Variants in MAGI2 observed in about 807,000 individuals in gnomAD.
The protein encoded by MAGI2 is membrane associated guanylate kinase, WW and PDZ domain containing 2.
MAGI2 carries 35 observed loss-of-function variants against 133.3 expected under a neutral mutation model. That is an observed-to-expected ratio of 0.26 (90% CI 0.20 to 0.35). The LOEUF (loss-of-function observed/expected upper bound fraction) is 0.35, where lower values mean the gene tolerates loss of function less well. Ranked by LOEUF, MAGI2 falls within the 10% of genes least tolerant of loss-of-function variation. The probability of loss-of-function intolerance (pLI) is 1.00; values close to 1 mark genes in which losing one functional copy is unlikely to be tolerated. For missense variants in MAGI2, 1,636 were observed against 1,863.4 expected (o/e 0.88, Z 2.25); for synonymous variants, 729 against 710.6 (o/e 1.03, Z -0.41).
chr7:78,393,328 G>T (rs1218534095), intron 6 of MAGI2, among the ~76,000 whole-genome samples: 1 of 152,184 alleles, frequency 6.6e-6, no homozygotes, highest in East Asian at 1.9e-4. Context: ...GCAAAGCAGC[G>T]GCAACAGTGG....
At chr7:78,523,140 T>C (rs73141125) in intron 3 of MAGI2, among the ~76,000 whole-genome samples, 11,277 of 152,230 alleles carry the variant, frequency 0.074, 793 homozygotes, top group African/African-American at 0.18. Flanking sequence ...CCAGAAGACA[T>C]AGAATTTAGG....
intron 2 of MAGI2, among the ~76,000 whole-genome samples, chr7:78,805,142 C>T (rs1218326994): frequency 6.6e-6 from 1 of 151,630 alleles, no homozygotes; most frequent in East Asian, 1.9e-4. Context: ...CATGGAGCTA[C>T]GACTCTAAAT....
In MAGI2 at chr7:78,704,923, G is replaced by T. The variant is rs188024987; in HGVS notation, c.419-77684C>A. Among the ~76,000 whole-genome samples, 9 of 151,896 alleles carry T rather than the reference G, an allele frequency of 5.9e-5. No individual in the cohort carries two copies. The East Asian group carries it at 7.8e-4, about 13-fold the overall frequency. ...AGGAACAGAAAAACAAATACTGCAG[G>T]TTCTCACTTGTAAGGGGGAGCTAAA... On this transcript the variant is annotated intron_variant, in intron 2 of 21. Transcript: ENST00000354212.
chr7:78,934,565 C>T (rs1019508806), intron 2 of MAGI2, among the ~76,000 whole-genome samples: 1 of 151,894 alleles, frequency 6.6e-6, no homozygotes, highest in Non-Finnish European at 1.5e-5. Context: ...CATAGGTGGC[C>T]GACATGGGGA....
At chr7:78,519,214 C>T (rs1796293907) in intron 4 of MAGI2, 1 of 150,702 alleles carries the variant, frequency 6.6e-6, no homozygotes, top group South Asian at 2.1e-4. Flanking sequence ...CAAAGAAACT[C>T]CTAAAGTCTC....
chr7:78,027,238 A>T (rs567939054), intron 21 of MAGI2, among the ~76,000 whole-genome samples: 3 of 152,364 alleles, frequency 2.0e-5, no homozygotes, highest in South Asian at 2.1e-4. Flanking sequence ...AAGCAGGTCC[A>T]TCGTTATTCC....
chr7:78,255,375 T>C (rs142302679), intron 10 of MAGI2: 1 of 164,932 alleles, frequency 6.1e-6, no homozygotes, highest in Non-Finnish European at 1.3e-5. Flanking sequence ...GCAGTTCCTG[T>C]AGTAGCAGAA....
rs543226251 is a variant in MAGI2 at position 78,699,855 on chromosome 7, AT to A, written c.419-72617del. ...CCAAGAAACTTTCAAAACTTAAAAA[AT>A]ATCCATATAACTTTTATATCAAAAT... On this transcript the variant is annotated intron_variant, in intron 2 of 21. Coordinates refer to ENST00000354212, the MANE Select transcript of MAGI2 (RefSeq NM_012301.4). 6.6e-5 allele frequency among the ~76,000 whole-genome samples: 10 copies of A among 152,278 alleles called. No homozygotes were observed. In the South Asian group the frequency reaches 2.1e-3, roughly 32 times the overall value.
chr7:78,912,718 TATATATATATCATTC>T lies in MAGI2; in HGVS notation c.418+94357_418+94371del, dbSNP rs1036901543. Among the ~76,000 whole-genome samples the T allele has an allele frequency of 2.0e-3, 293 of 147,372 alleles. 1 individual carries two copies. The highest frequency in any genetic ancestry group is 6.9e-3 in the East Asian group (35 of 5,102). On this transcript the variant is annotated intron_variant, in intron 2 of 21. Coordinates refer to ENST00000354212, the MANE Select transcript of MAGI2 (RefSeq NM_012301.4). ...TTAATACTTAATAAACTCCCCTTTA[TATATATATATCATTC>T]ATATATATATCATTCATATATATAT... is the stretch of plus-strand genomic sequence containing the variant.
intron 21 of MAGI2, chr7:78,073,030 G>A (rs1328652087): frequency 1.0e-5 from 4 of 398,358 alleles, no homozygotes; most frequent in Non-Finnish European, 1.8e-5. Flanking sequence ...GGCCAGTACT[G>A]CTTCACCTGC....
At chr7:78,497,750 ATC>A (rs57912431) in intron 5 of MAGI2, among the ~76,000 whole-genome samples, 1 of 113,412 alleles carries the variant, frequency 8.8e-6, no homozygotes, top group South Asian at 2.6e-4. Flanking sequence ...CTATCTATCT[ATC>A]TATCTATCTA....
chr7:79,012,384 C>T (rs1808250364), intron 1 of MAGI2: 1 of 152,142 alleles, frequency 6.6e-6, no homozygotes, highest in Non-Finnish European at 1.5e-5. Flanking sequence ...CTTCTCTCTG[C>T]TCTGAACTTC....
intron 2 of MAGI2, among the ~76,000 whole-genome samples, chr7:78,844,178 A>T (rs1431402103): frequency 6.6e-6 from 1 of 151,554 alleles, no homozygotes; most frequent in Non-Finnish European, 1.5e-5. Flanking sequence ...AAAGAGCAAT[A>T]GCTTCCCTAA....
intron 1 of MAGI2, among the ~76,000 whole-genome samples, chr7:79,387,508 T>C (rs1844277456): frequency 6.6e-6 from 1 of 152,082 alleles, no homozygotes; most frequent in Non-Finnish European, 1.5e-5. Context: ...GATTTTATTT[T>C]AAAAAATGAG....
chr7:79,117,486 C>T (rs1819508475), intron 1 of MAGI2, among the ~76,000 whole-genome samples: 2 of 152,058 alleles, frequency 1.3e-5, no homozygotes, highest in Admixed American at 1.3e-4. Context: ...AGTTTGAAAT[C>T]ATAAATAGTT....
chr7:78,748,757 AT>A (rs55669940), intron 2 of MAGI2, among the ~76,000 whole-genome samples: 47,122 of 151,806 alleles, frequency 0.31, 7,522 homozygotes, highest in South Asian at 0.47. Flanking sequence ...TTTCAAATAC[AT>A]TTTTTTTCTT....
chr7:78,814,187 C>T (rs892198754), intron 2 of MAGI2, among the ~76,000 whole-genome samples: 3 of 152,166 alleles, frequency 2.0e-5, no homozygotes, highest in African/African-American at 4.8e-5. Context: ...GAAAGGCACT[C>T]CCATGATCCC....
chr7:78,889,336 C>A (rs564605211), intron 2 of MAGI2, among the ~76,000 whole-genome samples: 34 of 152,322 alleles, frequency 2.2e-4, no homozygotes, highest in African/African-American at 8.2e-4. Flanking sequence ...CTTCCCCAAT[C>A]TAGCAAGGCA....
At chr7:79,391,969 C>A (rs1185197157) in intron 1 of MAGI2, among the ~76,000 whole-genome samples, 1 of 152,102 alleles carries the variant, frequency 6.6e-6, no homozygotes, top group Non-Finnish European at 1.5e-5. Flanking sequence ...TTAAGCCCTG[C>A]ATGCATTAGA....
Sources: allele counts gnomAD v4.1 joint callset (sites outside exome capture counted in the v4.1 genomes callset), GRCh38; gene constraint gnomAD v4.1.1; transcripts MANE v1.5; gene names NCBI Gene and HGNC (gene_info 2026-07-23, HGNC 2026-07-21).